The following MED13 variants were observed in gnomAD, a reference collection of about 807,000 sequenced individuals.
MED13 encodes mediator of RNA polymerase II transcription subunit 13.
Under a neutral mutation model 225.2 loss-of-function variants are expected in MED13, and 23 were observed. The ratio of observed to expected loss-of-function variants is 0.10; its 90% CI spans 0.07 to 0.14. MED13 has a LOEUF of 0.14. Among genes scored for constraint, MED13 ranks in the 10% least tolerant of loss-of-function variants. The pLI, the probability that MED13 is intolerant of heterozygous loss-of-function variation, is 1.00. For synonymous variants in MED13, 942 were observed against 889.2 expected (o/e 1.06, Z -1.06); for missense variants, 2,197 against 2,594.5 (o/e 0.85, Z 3.33).
At chr17:62,049,280 C>T (rs1165086222) in intron 3 of MED13, among the ~76,000 whole-genome samples, 1 of 152,014 alleles carries the variant, frequency 6.6e-6, no homozygotes, top group African/African-American at 2.4e-5. Flanking sequence ...ATACAAAGTC[C>T]TTGAAGGTAG....
Position 61,982,539 on chromosome 17 carries a change from C to G in MED13, c.3464G>C (p.Cys1155Ser), listed in dbSNP as rs1449441965. The G allele has an allele frequency of 6.2e-7, 1 of 1,614,176 alleles. No homozygotes were observed. The highest frequency in any genetic ancestry group is 1.1e-5 in the South Asian group (1 of 91,078). The change falls in exon 16 of 30, where the codon TGT becomes TCT. Residue 1155 changes from cysteine to serine, a missense_variant. Physicochemically the swap from Cys to Ser is moderately radical, Grantham distance 112 (BLOSUM62 -1). Transcript: ENST00000397786. ...AAAACGTTTTTCTGCTTCTTTGCCA[C>G]AGTCTGTATTGCGTCCTATGATATC... ...ELDIIGRNTDCGKEAEKRFEA... is the reference protein window; with the variant it reads ...ELDIIGRNTDSGKEAEKRFEA...
At chr17:62,033,399 T>C (rs1228864037) in intron 5 of MED13, among the ~76,000 whole-genome samples, 1 of 152,216 alleles carries the variant, frequency 6.6e-6, no homozygotes, top group Admixed American at 6.5e-5. Flanking sequence ...CTAGACAGAA[T>C]ATATTTCCCT....
At chr17:62,048,072 G>T (rs7208684) in intron 3 of MED13, among the ~76,000 whole-genome samples, 1 of 126,000 alleles carries the variant, frequency 7.9e-6, no homozygotes. Context: ...ATGTATATAT[G>T]TATATATATA....
intron 5 of MED13, chr17:62,032,323 A>T (rs2080764749): frequency 6.6e-6 from 1 of 151,936 alleles, no homozygotes; most frequent in Non-Finnish European, 1.5e-5. Flanking sequence ...AAAATACAAA[A>T]TTTAGCTGGG....
At chr17:62,026,536 A>G (rs1462251644) in intron 8 of MED13, among the ~76,000 whole-genome samples, 4 of 152,114 alleles carry the variant, frequency 2.6e-5, no homozygotes, top group Non-Finnish European at 5.9e-5. Context: ...GTGGCACAAG[A>G]TAAGAATGCC....
intron 16 of MED13, among the ~76,000 whole-genome samples, chr17:61,973,089 G>T (rs2080123730): frequency 6.6e-6 from 1 of 152,134 alleles, no homozygotes. Context: ...CAACCAAGAA[G>T]ACACACAATA....
At chr17:62,038,590 A>G (rs1243100667) in intron 3 of MED13, among the ~76,000 whole-genome samples, 3 of 152,200 alleles carry the variant, frequency 2.0e-5, no homozygotes, top group African/African-American at 7.2e-5. Context: ...ATTTAGGAAA[A>G]TAAGTTTACT....
At chr17:62,059,559 A>T (rs926025079) in intron 2 of MED13, among the ~76,000 whole-genome samples, 2 of 152,174 alleles carry the variant, frequency 1.3e-5, no homozygotes, top group Non-Finnish European at 2.9e-5. Context: ...CTACACCTCC[A>T]CTTGGAACTC....
intron 8 of MED13, among the ~76,000 whole-genome samples, chr17:62,026,289 CCAAT>C (rs1177641452): frequency 6.6e-6 from 1 of 152,112 alleles, no homozygotes; most frequent in East Asian, 1.9e-4. Flanking sequence ...TATTCTTCTA[CCAAT>C]CATTCAACCA....
Position 61,961,615 on chromosome 17 carries a change from G to A in MED13, c.5229C>T (p.Ala1743=), listed in dbSNP as rs773145973. The A allele has an allele frequency of 2.4e-5, 38 of 1,613,684 alleles. No homozygotes were observed. The highest frequency in any genetic ancestry group is 1.6e-4 in the Middle Eastern group (1 of 6,062). The part of the protein sequence containing the change: ...KTLTGFGPGL[A]METALRSPDR... ...CAGGACTTCTAAGGGCAGTTTCCAT[G>A]GCTAAACCTGGACCAAAGCCAGTCA... is the stretch of plus-strand genomic sequence containing the variant. The change falls in exon 22 of 30, where the codon GCC becomes GCT. Residue 1743 remains alanine, a synonymous_variant. Coordinates refer to ENST00000397786, the MANE Select transcript of MED13 (RefSeq NM_005121.3).
chr17:62,035,031 G>A (rs915111033), intron 4 of MED13, among the ~76,000 whole-genome samples: 4 of 152,114 alleles, frequency 2.6e-5, no homozygotes, highest in African/African-American at 9.7e-5. Flanking sequence ...TGAGGTAGGA[G>A]AATTGCTTGA....
chr17:61,995,115 C>T, intron 10 of MED13, 37 bp downstream of exon 10: 1 of 1,432,586 alleles, frequency 7.0e-7, no homozygotes, highest in Non-Finnish European at 9.8e-7. Context: ...GCTACAAAAT[C>T]AACAGTGACC....
intron 9 of MED13, among the ~76,000 whole-genome samples, chr17:61,998,138 TA>T (rs927550798): frequency 6.6e-6 from 1 of 152,120 alleles, no homozygotes; most frequent in African/African-American, 2.4e-5. Context: ...AGATGCCAGA[TA>T]AAAAAACTCT....
At chr17:61,977,158 C>T (rs572769951) in intron 16 of MED13, among the ~76,000 whole-genome samples, 23 of 152,098 alleles carry the variant, frequency 1.5e-4, no homozygotes, top group African/African-American at 5.3e-4. Context: ...AAAGAGTGTA[C>T]TTAATGGGGG....
At chr17:61,988,375 C>T (rs369720398) in intron 11 of MED13, among the ~76,000 whole-genome samples, 4 of 152,290 alleles carry the variant, frequency 2.6e-5, no homozygotes, top group Admixed American at 1.3e-4. Context: ...CAATATATTC[C>T]TGCACAAGAA....
At chr17:62,035,710 T>G (rs943075969) in intron 3 of MED13, 102 bp from the exon 4 acceptor site, 2 of 1,181,048 alleles carry the variant, frequency 1.7e-6, no homozygotes, top group Non-Finnish European at 2.3e-6. Flanking sequence ...TACCCTATTT[T>G]GCCCAAAAAT....
At chr17:62,042,173 T>G (rs777584003) in intron 3 of MED13, among the ~76,000 whole-genome samples, 10 of 152,152 alleles carry the variant, frequency 6.6e-5, no homozygotes, top group Non-Finnish European at 1.3e-4. Context: ...GAACAAAAGA[T>G]CTATACTAAA....
chr17:61,946,237 T>C lies in MED13; in HGVS notation c.*231A>G, dbSNP rs950923292. The C allele has an allele frequency of 1.8e-5, 7 of 395,388 alleles. No individual in the cohort carries two copies. The highest frequency in any genetic ancestry group is 3.1e-5 in the Non-Finnish European group (7 of 227,756). The allele number at this position is 395,388 out of a possible 1,614,324, so 24.5% of individuals were successfully genotyped here. On this transcript the variant is annotated 3_prime_UTR_variant, in exon 30 of 30. Transcript: ENST00000397786. ...AAAAAGGTTAATTTTGCTACGAAAA[T>C]GTTATAATACGTTTTGTATGATCAG...
In MED13 at chr17:61,984,235, T is replaced by C. The variant is rs759483535; in HGVS notation, c.2824A>G (p.Ser942Gly). The C allele has an allele frequency of 6.2e-7, 1 of 1,609,862 alleles. No individual in the cohort carries two copies. The highest frequency in any genetic ancestry group is 1.1e-5 in the South Asian group (1 of 90,258). The change falls in exon 15 of 30, where the codon AGT (serine) becomes GGT (glycine). Residue 942 changes from serine (S) to glycine (G), a missense_variant. This residue lies in a region of MED13 where 160 missense variants were observed against 184.8 expected (regional missense o/e 0.87). Transcript: ENST00000397786. ...AATTCCAATTTTCCAACAGTCCAAC[T>C]CTGACGGTAAATACACTCTTCTGGC... ...KLPEECIYRQ[S>G]WTVGKLELLS...
Sources: gnomAD v4.1 joint callset for allele counts (sites outside exome capture counted in the v4.1 genomes callset) on GRCh38, gnomAD v4.1.1 for gene constraint, gnomAD v4.1.1 regional missense constraint, MANE v1.5 for transcripts, NCBI Gene and HGNC (gene_info 2026-07-23, HGNC 2026-07-21) for gene names.